MBD5: variants seen among roughly 807,000 people sequenced by gnomAD.
MBD5 encodes the protein methyl-CpG-binding domain protein 5.
MBD5 carries 13 observed loss-of-function variants against 117.3 expected under a neutral mutation model. That is an observed-to-expected ratio of 0.11 (90% CI 0.07 to 0.18). MBD5 has a LOEUF of 0.18. MBD5 is among the 10% of genes least tolerant of loss of function. The pLI is 1.00. For missense variants in MBD5, 1,879 were observed against 2,093.8 expected, an observed-to-expected ratio of 0.90 and a Z score of 2.00; for synonymous variants, 727 against 766.4, an observed-to-expected ratio of 0.95 and a Z score of 0.85.
chr2:148,331,780 G>C (rs1350953139), intron 3 of MBD5, among the ~76,000 whole-genome samples: 1 of 151,814 alleles, frequency 6.6e-6, no homozygotes, highest in Non-Finnish European at 1.5e-5. Context: ...TGACAGGAAT[G>C]CCTTTGACTT....
rs916822283 is a variant in MBD5, at chr2:148,153,101, C to T, written c.-924-25599C>T. Among the ~76,000 whole-genome samples, 16 of 151,620 alleles carry T rather than the reference C, an allele frequency of 1.1e-4. No individual in the cohort carries two copies. In the South Asian group the frequency reaches 1.7e-3, roughly 16 times the overall value. On this transcript the variant is annotated intron_variant, in intron 1 of 13. Transcript: ENST00000642680. ...ACCGATTATTCCTTTCCATGTTTAGCGCTTCCTTCAGGAGCTCTTTTAGGG... is the reference window on the plus strand; with the variant it reads ...ACCGATTATTCCTTTCCATGTTTAGTGCTTCCTTCAGGAGCTCTTTTAGGG...
intron 2 of MBD5, among the ~76,000 whole-genome samples, chr2:148,217,472 G>A (rs562276218): frequency 6.6e-6 from 1 of 152,300 alleles, no homozygotes; most frequent in South Asian, 2.1e-4. Flanking sequence ...TCCACCTTGG[G>A]CTTTGAGCGC....
intron 1 of MBD5, among the ~76,000 whole-genome samples, chr2:148,161,612 A>C: frequency 6.6e-6 from 1 of 152,118 alleles, no homozygotes; most frequent in Non-Finnish European, 1.5e-5. Flanking sequence ...GGGAACAGAC[A>C]GGCTGATTAT....
intron 3 of MBD5, among the ~76,000 whole-genome samples, chr2:148,235,895 C>A (rs1298114865): frequency 5.9e-5 from 9 of 152,060 alleles, no homozygotes; most frequent in African/African-American, 2.2e-4. Flanking sequence ...ACTTCCTGGA[C>A]TCAAGTGATT....
At chr2:148,176,511 C>A (rs2105828395) in intron 1 of MBD5, among the ~76,000 whole-genome samples, 1 of 151,598 alleles carries the variant, frequency 6.6e-6, no homozygotes, top group South Asian at 2.1e-4. Flanking sequence ...TTCAAGAGAT[C>A]AATTCTCCTG....
rs1161567892 is a variant in MBD5 at position 148,470,321 on chromosome 2, G to A, written c.2378G>A (p.Cys793Tyr). Residue 793 changes from cysteine to tyrosine, a missense_variant, in exon 8 of 14, where the codon TGT becomes TAT. By Grantham distance (194) the Cys-to-Tyr change is radical (BLOSUM62 -2). Coordinates refer to ENST00000642680, the MANE Select transcript of MBD5 (RefSeq NM_001378120.1). ...LINQIQASGN[C>Y]GMLSQSGMAL... ...AATCAGATTCAGGCTAGCGGGAACT[G>A]TGGGATGCTCAGTCAGTCGGGCATG... is the stretch of plus-strand genomic sequence containing the variant. 6.2e-7 allele frequency: 1 copy of A among 1,613,862 alleles called. No individual in the cohort carries two copies. Among genetic ancestry groups the A allele is most frequent in the African/African-American group, 1.3e-5 (1 of 74,902 alleles).
At chr2:148,269,535 A>G (rs1232303728) in intron 3 of MBD5, among the ~76,000 whole-genome samples, 1 of 151,736 alleles carries the variant, frequency 6.6e-6, no homozygotes, top group East Asian at 1.9e-4. Context: ...CTTTTAAGAC[A>G]TTATTTCATT....
chr2:148,465,216 C>G (rs1170043631), intron 7 of MBD5, among the ~76,000 whole-genome samples: 1 of 152,164 alleles, frequency 6.6e-6, no homozygotes, highest in Non-Finnish European at 1.5e-5. Context: ...AGCTCCTCAT[C>G]ATTAGACACA....
rs561063381 is a variant in MBD5 at position 148,379,666 on chromosome 2, T to C, written c.-557+37330T>C. On this transcript the variant is annotated intron_variant, in intron 4 of 13. Coordinates refer to ENST00000642680, the MANE Select transcript of MBD5 (RefSeq NM_001378120.1). Reference sequence around the variant, plus strand: ...TGCTGCTATTAATACTACTAATAGGTATTATTATCTTATCTAGTTTCAGAG... The same window carrying C: ...TGCTGCTATTAATACTACTAATAGGCATTATTATCTTATCTAGTTTCAGAG... Among the ~76,000 whole-genome samples the C allele has an allele frequency of 3.3e-3, 505 of 152,150 alleles. 2 individuals carry two copies. Among genetic ancestry groups the C allele is most frequent in the Middle Eastern group, 0.014 (4 of 294 alleles).
At chr2:148,403,609 T>C (rs1704990193) in intron 4 of MBD5, among the ~76,000 whole-genome samples, 1 of 152,234 alleles carries the variant, frequency 6.6e-6, no homozygotes, top group Non-Finnish European at 1.5e-5. Flanking sequence ...AGAAATAATA[T>C]AGAGAAATCC....
At chr2:148,088,736 A>G (rs1476816299) in intron 1 of MBD5, among the ~76,000 whole-genome samples, 2 of 152,152 alleles carry the variant, frequency 1.3e-5, no homozygotes. Context: ...GAATATCAAA[A>G]TGCACAAAAA....
intron 10 of MBD5, among the ~76,000 whole-genome samples, chr2:148,488,936 T>A (rs1000478894): frequency 5.3e-5 from 8 of 152,222 alleles, no homozygotes; most frequent in Non-Finnish European, 8.8e-5. Flanking sequence ...TTATATTGTA[T>A]TTCACTTAGT....
At chr2:148,389,939 T>C (rs1217083558) in intron 4 of MBD5, among the ~76,000 whole-genome samples, 1 of 152,168 alleles carries the variant, frequency 6.6e-6, no homozygotes, top group Admixed American at 6.5e-5. Context: ...TAAGTCCTAT[T>C]TGTCTGTTTT....
intron 2 of MBD5, among the ~76,000 whole-genome samples, chr2:148,204,614 GTGTCTGTCTTAT>G (rs1345317485): frequency 6.6e-6 from 1 of 152,152 alleles, no homozygotes; most frequent in African/African-American, 2.4e-5. Flanking sequence ...AGTCAGACTT[GTGTCTGTCTTAT>G]CCACATCAAC....
intron 1 of MBD5, among the ~76,000 whole-genome samples, chr2:148,081,362 C>A (rs1695642990): frequency 6.6e-6 from 1 of 152,126 alleles, no homozygotes; most frequent in Admixed American, 6.5e-5. Context: ...GAATAAATAA[C>A]AGATGAGGGA....
chr2:148,480,689 G>A (rs1352161065), intron 8 of MBD5, among the ~76,000 whole-genome samples: 1 of 151,996 alleles, frequency 6.6e-6, no homozygotes, highest in Non-Finnish European at 1.5e-5. Flanking sequence ...AATGTTTAAG[G>A]TTTTGATTAT....
intron 4 of MBD5, among the ~76,000 whole-genome samples, chr2:148,387,690 T>G (rs1028776367): frequency 1.3e-5 from 2 of 152,082 alleles, no homozygotes; most frequent in Non-Finnish European, 1.5e-5. Context: ...TAGCTACTAT[T>G]TATTTCACTA....
intron 4 of MBD5, among the ~76,000 whole-genome samples, chr2:148,414,906 C>T (rs183701304): frequency 4.6e-5 from 7 of 152,234 alleles, no homozygotes; most frequent in African/African-American, 1.7e-4. Flanking sequence ...GGTCTTGATG[C>T]TTTATTCAAC....
At chr2:148,046,243 A>G (rs1366136343) in intron 1 of MBD5, among the ~76,000 whole-genome samples, 1 of 152,058 alleles carries the variant, frequency 6.6e-6, no homozygotes, top group Non-Finnish European at 1.5e-5. Context: ...TGGCCTCCCA[A>G]AGTGCTGGGA....
Sources: allele counts gnomAD v4.1 joint callset (sites outside exome capture counted in the v4.1 genomes callset), GRCh38; gene constraint gnomAD v4.1.1; transcripts MANE v1.5; gene names NCBI Gene and HGNC (gene_info 2026-07-23, HGNC 2026-07-21).